Variants in DHRSX observed in about 807,000 individuals in gnomAD.
DHRSX encodes the protein dehydrogenase/reductase X-linked.
DHRSX carries 31 observed loss-of-function variants against 34.0 expected under a neutral mutation model. The observed-to-expected ratio is 0.91, with a 90% CI of 0.69 to 1.23. The LOEUF is 1.23. Ranked by LOEUF, DHRSX falls within the 50% of genes most tolerant of loss-of-function variation. DHRSX has a pLI of 0.00. For missense variants in DHRSX, 414 were observed against 428.1 expected, an observed-to-expected ratio of 0.97 and a Z score of 0.29; for synonymous variants, 201 against 183.8, an observed-to-expected ratio of 1.09 and a Z score of -0.76.
intron 3 of DHRSX, among the ~76,000 whole-genome samples, chrX:2,398,237 G>A (rs2043439172): frequency 1.3e-5 from 2 of 152,172 alleles, no homozygotes; most frequent in Admixed American, 6.5e-5. Context: ...CTCAGAAACA[G>A]CCTTGCTTCC....
At chrX:2,461,643 G>C (rs1050308702) in intron 1 of DHRSX, among the ~76,000 whole-genome samples, 4 of 152,190 alleles carry the variant, frequency 2.6e-5, no homozygotes, top group African/African-American at 9.7e-5. Context: ...GTGGGCTCCA[G>C]TGATCCTCCC....
chrX:2,299,816 C>T (rs1449751649), intron 3 of DHRSX, among the ~76,000 whole-genome samples: 1 of 151,450 alleles, frequency 6.6e-6, no homozygotes, highest in Non-Finnish European at 1.5e-5. Flanking sequence ...GATCACACCA[C>T]TGCACTCCAG....
At chrX:2,282,561 C>A (rs190533915) in intron 4 of DHRSX, among the ~76,000 whole-genome samples, 1 of 82,058 alleles carries the variant, frequency 1.2e-5, no homozygotes, top group African/African-American at 3.8e-5. Flanking sequence ...GGAGGGTGTG[C>A]GAGAGGGAAA....
rs776197282 is a variant in DHRSX, at chrX:2,490,049, T to C, written c.109+10768A>G. On this transcript the variant is annotated intron_variant, in intron 1 of 6. Transcript: ENST00000334651. ...GCAGCGGGAGCCCATGGACAGGCAG[T>C]TGGGGGCGCCCAGGCCCAGGAAGTG... is the stretch of plus-strand genomic sequence containing the variant. 5.0e-6 allele frequency: 8 copies of C among 1,613,580 alleles called. No individual in the cohort carries two copies. In the East Asian group the frequency reaches 1.3e-4, roughly 27 times the overall value.
intron 3 of DHRSX, among the ~76,000 whole-genome samples, chrX:2,304,327 G>GAACT (rs1250370689): frequency 5.3e-5 from 8 of 149,556 alleles, no homozygotes; most frequent in East Asian, 2.0e-4. Context: ...ATGGATGGAT[G>GAACT]GATGGATGAA....
chrX:2,430,443 C>A (rs2124655710), intron 1 of DHRSX, among the ~76,000 whole-genome samples: 1 of 152,274 alleles, frequency 6.6e-6, no homozygotes, highest in South Asian at 2.1e-4. Context: ...ACACCAGCCA[C>A]CCGGTGCCTC....
rs143053437 is a variant in DHRSX, at chrX:2,411,685, C to T, written c.218-2872G>A. On this transcript the variant is annotated intron_variant, in intron 2 of 6. Transcript: ENST00000334651. ...GAGGTTGCAGTGAGATGAGATTGCG[C>T]CACTGCACTCCAGCCTGGGCAACAC... Among the ~76,000 whole-genome samples, 238 of 151,932 alleles carry T rather than the reference C, an allele frequency of 1.6e-3. 1 individual carries two copies. In the East Asian group the frequency reaches 0.042, roughly 27 times the overall value.
At chrX:2,272,152 C>A (rs2041565620) in intron 4 of DHRSX, among the ~76,000 whole-genome samples, 1 of 151,974 alleles carries the variant, frequency 6.6e-6, no homozygotes, top group Admixed American at 6.6e-5. Flanking sequence ...AAACCAACAA[C>A]AAAAAAACAA....
chrX:2,463,248 G>A (rs754381781), intron 1 of DHRSX, among the ~76,000 whole-genome samples: 38 of 152,200 alleles, frequency 2.5e-4, no homozygotes, highest in South Asian at 1.0e-3. Context: ...CATGGGAGGC[G>A]GAGGTTGCAG....
intron 1 of DHRSX, among the ~76,000 whole-genome samples, chrX:2,472,898 C>G (rs1298334671): frequency 6.6e-6 from 1 of 152,122 alleles, no homozygotes; most frequent in Non-Finnish European, 1.5e-5. Context: ...CAGGACTTCA[C>G]GTTGCCAACA....
chrX:2,374,054 C>T (rs2043111916), intron 3 of DHRSX, among the ~76,000 whole-genome samples: 1 of 152,190 alleles, frequency 6.6e-6, no homozygotes, highest in Non-Finnish European at 1.5e-5. Flanking sequence ...GCACACCTGC[C>T]CTCTACTCAC....
chrX:2,233,938 C>T (rs2015955838), intron 6 of DHRSX, among the ~76,000 whole-genome samples: 1 of 152,138 alleles, frequency 6.6e-6, no homozygotes, highest in Admixed American at 6.5e-5. Flanking sequence ...GCAATGTTCA[C>T]AACACTCTTA....
At chrX:2,347,246 CAAGAG>C (rs1479038242) in intron 3 of DHRSX, among the ~76,000 whole-genome samples, 2 of 152,124 alleles carry the variant, frequency 1.3e-5, no homozygotes, top group African/African-American at 4.8e-5. Flanking sequence ...TTGTGACAGA[CAAGAG>C]AAGAGAGCAT....
At chrX:2,270,832 C>G (rs1161428687) in intron 4 of DHRSX, among the ~76,000 whole-genome samples, 1 of 152,096 alleles carries the variant, frequency 6.6e-6, no homozygotes, top group African/African-American at 2.4e-5. Context: ...TAAAATGGAC[C>G]ATTCAGCAGT....
At chrX:2,448,858 G>A (rs1457668416) in intron 1 of DHRSX, among the ~76,000 whole-genome samples, 3 of 152,162 alleles carry the variant, frequency 2.0e-5, no homozygotes, top group African/African-American at 7.2e-5. Context: ...GGGGTTCCAA[G>A]TTTCCAAGGA....
chrX:2,460,506 C>T (rs2080771115), intron 1 of DHRSX, among the ~76,000 whole-genome samples: 3 of 151,762 alleles, frequency 2.0e-5, no homozygotes. Context: ...CAGCCTCAGC[C>T]TCCTTGGGCT....
chrX:2,302,297 T>C (rs1452790276), intron 3 of DHRSX, among the ~76,000 whole-genome samples: 1 of 133,564 alleles, frequency 7.5e-6, no homozygotes, highest in African/African-American at 2.5e-5. Context: ...AATAAGTACT[T>C]TCAATATTTT....
chrX:2,428,134 G>A (rs2043872284), intron 1 of DHRSX, among the ~76,000 whole-genome samples: 2 of 152,242 alleles, frequency 1.3e-5, no homozygotes, highest in East Asian at 1.9e-4. Flanking sequence ...GATGAGGGAT[G>A]AGAAATTACC....
At chrX:2,243,788 GTTTTTTTTTTTTTTTTTTTTT>G (rs778957532) in intron 5 of DHRSX, among the ~76,000 whole-genome samples, 1,660 of 25,166 alleles carry the variant, frequency 0.066, 39 homozygotes, top group Non-Finnish European at 0.14. Flanking sequence ...TATGCTCCCT[GTTTTTTTTTTTTTTTTTTTTT>G]TTTTTTTTTT....
Sources: gnomAD v4.1 joint callset for allele counts (sites outside exome capture counted in the v4.1 genomes callset) on GRCh38, gnomAD v4.1.1 for gene constraint, MANE v1.5 for transcripts, NCBI Gene and HGNC (gene_info 2026-07-23, HGNC 2026-07-21) for gene names.